ITGA4: variants seen among roughly 807,000 people sequenced by gnomAD.
The protein encoded by ITGA4 is integrin subunit alpha 4.
ITGA4 carries 63 observed loss-of-function variants against 133.6 expected under a neutral mutation model. That is an observed-to-expected ratio of 0.47 (90% confidence interval 0.38 to 0.58). ITGA4 has a LOEUF of 0.58. Among genes scored for constraint, ITGA4 ranks in the 20% least tolerant of loss-of-function variants. ITGA4 has a pLI of 0.00. For synonymous variants in ITGA4, 483 were observed against 438.0 expected (o/e 1.10, Z -1.28); for missense variants, 1,076 against 1,252.7 (o/e 0.86, Z 2.13).
chr2:181,461,166 A>T (rs1376750488), intron 2 of ITGA4, among the ~76,000 whole-genome samples: 2 of 148,476 alleles, frequency 1.3e-5, no homozygotes, highest in Non-Finnish European at 3.0e-5. Context: ...CATATGGTAT[A>T]TTCATGCCAT....
intron 9 of ITGA4, among the ~76,000 whole-genome samples, chr2:181,483,431 TA>T (rs1199301365): frequency 2.0e-5 from 3 of 152,220 alleles, no homozygotes; most frequent in Non-Finnish European, 4.4e-5. Flanking sequence ...AGTTCATTTA[TA>T]ATGGCATAGC....
chr2:181,505,060 T>C (rs1686366650), intron 15 of ITGA4, among the ~76,000 whole-genome samples: 2 of 151,960 alleles, frequency 1.3e-5, no homozygotes, highest in Non-Finnish European at 2.9e-5. Context: ...CTTAAAATCT[T>C]CCTATGTAAG....
intron 19 of ITGA4, 21 bp from the exon 20 acceptor site, chr2:181,524,150 T>G (rs1351833043): frequency 7.8e-6 from 12 of 1,540,538 alleles, no homozygotes; most frequent in Non-Finnish European, 1.1e-5. Flanking sequence ...TTAATGGGCT[T>G]TCCTGGTCTG....
intron 2 of ITGA4, among the ~76,000 whole-genome samples, chr2:181,464,954 ATCTT>A (rs1685376860): frequency 6.6e-6 from 1 of 152,100 alleles, no homozygotes. Context: ...ATCATAGAAA[ATCTT>A]TTTTATATAA....
chr2:181,521,122 C>T (rs1472746386), intron 17 of ITGA4, among the ~76,000 whole-genome samples: 3 of 151,952 alleles, frequency 2.0e-5, no homozygotes, highest in East Asian at 1.9e-4. Flanking sequence ...CTATCCTCAC[C>T]TGATATTTTG....
At chr2:181,483,528 G>A (rs945302709) in intron 9 of ITGA4, among the ~76,000 whole-genome samples, 7 of 152,154 alleles carry the variant, frequency 4.6e-5, no homozygotes, top group African/African-American at 1.7e-4. Context: ...AGAGCATTTA[G>A]CAAGTTCTTA....
chr2:181,515,297 T>C lies in ITGA4; in HGVS notation c.1922+3522T>C, dbSNP rs566090202. On this transcript the variant is annotated intron_variant, in intron 17 of 27. Transcript: ENST00000397033. ...TTCCTCATTGCTAAGTGGGTAAAAA[T>C]AGTACCGACTCATTAAGGTTGTCTT... Among the ~76,000 whole-genome samples, 35 of 152,202 alleles carry C rather than the reference T, an allele frequency of 2.3e-4. No homozygotes were observed. The South Asian group carries it at 6.4e-3, about 28-fold the overall frequency.
chr2:181,522,995 C>T (rs1308803789), intron 18 of ITGA4, among the ~76,000 whole-genome samples: 3 of 152,134 alleles, frequency 2.0e-5, no homozygotes, highest in East Asian at 1.9e-4. Flanking sequence ...ACATACCAGA[C>T]AGAAGAGGAC....
At chr2:181,483,352 T>C (rs1685847279) in intron 9 of ITGA4, among the ~76,000 whole-genome samples, 1 of 152,132 alleles carries the variant, frequency 6.6e-6, no homozygotes, top group African/African-American at 2.4e-5. Flanking sequence ...AAAAAATTGG[T>C]GGAGTCTTAA....
intron 9 of ITGA4, among the ~76,000 whole-genome samples, chr2:181,483,826 C>T (rs1032420843): frequency 6.6e-6 from 1 of 152,086 alleles, no homozygotes; most frequent in Non-Finnish European, 1.5e-5. Context: ...TTCCTCTTTA[C>T]GACTAAACAT....
Position 181,495,123 on chromosome 2 carries a change from T to C in ITGA4, c.1340-248T>C, listed in dbSNP as rs996661182. Among the ~76,000 whole-genome samples the C allele has an allele frequency of 1.3e-5, 2 of 152,198 alleles. No individual in the cohort carries two copies. Among genetic ancestry groups the C allele is most frequent in the African/African-American group, 4.8e-5 (2 of 41,462 alleles). On this transcript the variant is annotated intron_variant, in intron 12 of 27. Coordinates refer to ENST00000397033, the MANE Select transcript of ITGA4 (RefSeq NM_000885.6). The surrounding 1 kb of genome is among the most constrained non-coding windows in gnomAD (Gnocchi z 4.3). ...GAGTGAATGTTTCTAGTCCAAAAAT[T>C]GAATTTTGTTTTAGTAAACTTGTTT...
intron 21 of ITGA4, among the ~76,000 whole-genome samples, chr2:181,526,779 C>T (rs945154803): frequency 1.1e-4 from 14 of 131,710 alleles, no homozygotes; most frequent in South Asian, 2.5e-4. Context: ...AAAAGAATAT[C>T]GGTGAGGGAC....
intron 4 of ITGA4, chr2:181,475,720 C>G: frequency 1.4e-6 from 2 of 1,439,056 alleles, no homozygotes; most frequent in Non-Finnish European, 1.9e-6. Context: ...TTCATTCGCA[C>G]TCACTATCTC....
At position 181,507,771 on chromosome 2, in the gene ITGA4, T is replaced by A. The variant is rs1295463488; in HGVS notation, c.1696-1887T>A. 4.6e-5 allele frequency among the ~76,000 whole-genome samples: 7 copies of A among 152,204 alleles called. 1 individual carries two copies. In the South Asian group the frequency reaches 1.5e-3, roughly 32 times the overall value. On this transcript the variant is annotated intron_variant, in intron 15 of 27. Coordinates refer to ENST00000397033, the MANE Select transcript of ITGA4 (RefSeq NM_000885.6). ...TAGGGAATAATGACAAGAAAAAAAA[T>A]CTGTACATGTTCAGCACTGATGCAA...
chr2:181,478,119 G>A (rs751679929), intron 4 of ITGA4, among the ~76,000 whole-genome samples: 1 of 152,024 alleles, frequency 6.6e-6, no homozygotes, highest in Non-Finnish European at 1.5e-5. Context: ...AATAAGCTAG[G>A]CCCAGAAAGA....
At chr2:181,458,569 G>A (rs1685191384) in intron 2 of ITGA4, 1 of 498,468 alleles carries the variant, frequency 2.0e-6, no homozygotes, top group South Asian at 2.4e-5. Context: ...AATTTCTTAT[G>A]ATACCTTCTC....
chr2:181,480,359 A>C, intron 6 of ITGA4, 93 bp downstream of exon 6: 3 of 660,890 alleles, frequency 4.5e-6, no homozygotes, highest in Non-Finnish European at 7.1e-6. Context: ...CCAAAGATCT[A>C]AATGGCCAGT....
At chr2:181,499,020 C>T (rs1262130953) in intron 15 of ITGA4, 3 of 338,512 alleles carry the variant, frequency 8.9e-6, no homozygotes, top group Non-Finnish European at 1.3e-5. Context: ...AAAACACTTG[C>T]CTTTTCCTTT....
chr2:181,474,017 T>C (rs1333899322), intron 2 of ITGA4, among the ~76,000 whole-genome samples: 1 of 152,184 alleles, frequency 6.6e-6, no homozygotes, highest in Non-Finnish European at 1.5e-5. Context: ...TGCTAATGTA[T>C]TTATCTGCCA....
Sources: gnomAD v4.1 joint callset for allele counts (sites outside exome capture counted in the v4.1 genomes callset) on GRCh38, gnomAD v4.1.1 for gene constraint, Gnocchi (gnomAD v3.1) non-coding constraint, MANE v1.5 for transcripts, NCBI Gene and HGNC (gene_info 2026-07-23, HGNC 2026-07-21) for gene names.